Variants in XXYLT1 observed in about 807,000 individuals in gnomAD.
XXYLT1 encodes the protein xyloside xylosyltransferase 1.
XXYLT1 carries 20 observed loss-of-function variants against 28.9 expected under a neutral mutation model. The observed-to-expected ratio is 0.69, with a 90% CI of 0.49 to 1.00. XXYLT1 has a LOEUF of 1.00. Among genes scored for constraint, XXYLT1 ranks in the 50% least tolerant of loss-of-function variants. XXYLT1 has a pLI of 0.00. For synonymous variants in XXYLT1, 257 were observed against 253.8 expected, an observed-to-expected ratio of 1.01 and a Z score of -0.12; for missense variants, 542 against 560.1, an observed-to-expected ratio of 0.97 and a Z score of 0.33.
intron 2 of XXYLT1, among the ~76,000 whole-genome samples, chr3:195,199,152 T>C (rs1281646695): frequency 6.6e-6 from 1 of 151,892 alleles, no homozygotes; most frequent in Non-Finnish European, 1.5e-5. Context: ...GGAATGAGCA[T>C]GGCCCGCAGG....
chr3:195,192,397 C>A (rs1170883988), intron 2 of XXYLT1, among the ~76,000 whole-genome samples: 1 of 147,544 alleles, frequency 6.8e-6, no homozygotes, highest in African/African-American at 2.7e-5. Context: ...TGCACTCCAG[C>A]CTGGGTAACC....
At chr3:195,127,664 C>T (rs1203769755) in intron 3 of XXYLT1, among the ~76,000 whole-genome samples, 1 of 152,024 alleles carries the variant, frequency 6.6e-6, no homozygotes, top group Non-Finnish European at 1.5e-5. Context: ...GTAGACCCAG[C>T]TACTTGGGAG....
intron 2 of XXYLT1, among the ~76,000 whole-genome samples, chr3:195,169,302 C>T (rs1052536554): frequency 6.6e-5 from 10 of 152,222 alleles, no homozygotes; most frequent in African/African-American, 2.4e-4. Flanking sequence ...GTGAGTGTTC[C>T]AGGAGACCCA....
intron 1 of XXYLT1, among the ~76,000 whole-genome samples, chr3:195,237,154 T>A (rs1233332827): frequency 6.6e-6 from 1 of 152,166 alleles, no homozygotes; most frequent in African/African-American, 2.4e-5. Context: ...AGCACAGCAC[T>A]AGGACTCACC....
In XXYLT1 at chr3:195,248,687, G is replaced by A. The variant is rs141316598; in HGVS notation, c.505-21831C>T. Among the ~76,000 whole-genome samples the A allele has an allele frequency of 5.6e-4, 86 of 152,292 alleles. No individual in the cohort carries two copies. The East Asian group carries it at 0.016, about 29-fold the overall frequency. On this transcript the variant is annotated intron_variant, in intron 1 of 3. Transcript: ENST00000310380. ...AATCCCAGCACTTTGGGAGGCCAAG[G>A]CGGGTGGATAACCTGCAGTCAGGAG...
At chr3:195,207,561 T>G (rs1267974529) in intron 2 of XXYLT1, 1 of 443,078 alleles carries the variant, frequency 2.3e-6, no homozygotes, top group African/African-American at 2.0e-5. Flanking sequence ...CCCAAATTCC[T>G]TAGCCAAAGG....
intron 3 of XXYLT1, among the ~76,000 whole-genome samples, chr3:195,140,441 A>T (rs1336828662): frequency 6.6e-6 from 1 of 152,158 alleles, no homozygotes; most frequent in Non-Finnish European, 1.5e-5. Context: ...TTACATGTTG[A>T]TGTCTACATT....
chr3:195,260,343 C>G (rs1445623872), intron 1 of XXYLT1, among the ~76,000 whole-genome samples: 3 of 152,090 alleles, frequency 2.0e-5, no homozygotes, highest in African/African-American at 7.2e-5. Flanking sequence ...GACGGGGGGC[C>G]CCGTGCTGAC....
intron 1 of XXYLT1, among the ~76,000 whole-genome samples, chr3:195,258,811 G>A (rs1725573530): frequency 6.6e-6 from 1 of 152,232 alleles, no homozygotes; most frequent in Non-Finnish European, 1.5e-5. Context: ...AGGGGAGGGA[G>A]GAGTGTCAGA....
chr3:195,104,359 A>T (rs1285498831), intron 3 of XXYLT1, among the ~76,000 whole-genome samples: 2 of 151,972 alleles, frequency 1.3e-5, no homozygotes, highest in African/African-American at 4.8e-5. Flanking sequence ...GATGGTTCTG[A>T]GTCCCAATCA....
At chr3:195,217,374 T>C (rs1723623380) in intron 2 of XXYLT1, among the ~76,000 whole-genome samples, 1 of 28,718 alleles carries the variant, frequency 3.5e-5, no homozygotes, top group South Asian at 1.0e-3. Flanking sequence ...AGTCAAATTG[T>C]CCCTGTTTGC....
chr3:195,135,390 C>T (rs1250083615), intron 3 of XXYLT1, among the ~76,000 whole-genome samples: 1 of 152,130 alleles, frequency 6.6e-6, no homozygotes, highest in Non-Finnish European at 1.5e-5. Flanking sequence ...TCTTTCCATC[C>T]CCTTATCAAA....
At chr3:195,087,585 C>T (rs1560087125) in intron 3 of XXYLT1, among the ~76,000 whole-genome samples, 1 of 152,202 alleles carries the variant, frequency 6.6e-6, no homozygotes, top group Non-Finnish European at 1.5e-5. Context: ...CTGGGCTTAC[C>T]CAGAACAGCC....
chr3:195,152,282 A>C (rs1720313961), intron 3 of XXYLT1: 1 of 152,652 alleles, frequency 6.6e-6, no homozygotes, highest in African/African-American at 2.4e-5. Flanking sequence ...CCTTATCCCA[A>C]CTAAACACAT....
intron 3 of XXYLT1, 71 bp downstream of exon 3, chr3:195,156,378 G>A (rs1322815591): frequency 1.1e-5 from 18 of 1,574,192 alleles, no homozygotes; most frequent in South Asian, 3.5e-5. Flanking sequence ...AATCTGTCAC[G>A]GCTGGCAGAA....
chr3:195,102,557 G>C (rs1716850386), intron 3 of XXYLT1, among the ~76,000 whole-genome samples: 2 of 152,016 alleles, frequency 1.3e-5, no homozygotes, highest in Middle Eastern at 3.2e-3. Context: ...TTTTTTCTCT[G>C]TGTCTGGCTT....
intron 2 of XXYLT1, among the ~76,000 whole-genome samples, chr3:195,211,523 G>A (rs1373274181): frequency 6.6e-6 from 1 of 152,206 alleles, no homozygotes; most frequent in African/African-American, 2.4e-5. Context: ...TTTATTGACT[G>A]CCTACTATGT....
chr3:195,210,090 C>T lies in XXYLT1; in HGVS notation c.652+16619G>A, dbSNP rs1723246688. Among the ~76,000 whole-genome samples the T allele has an allele frequency of 6.7e-6, 1 of 148,642 alleles. No individual in the cohort carries two copies. Among genetic ancestry groups the T allele is most frequent in the South Asian group, 2.1e-4 (1 of 4,834 alleles). On this transcript the variant is annotated intron_variant, in intron 2 of 3. Transcript: ENST00000310380. This position sits in a 1 kb window ranked among gnomAD's most constrained non-coding sequence, Gnocchi z 4.8. ...CAGGCTGAGGCCCCGGCCGCCCGCA[C>T]ACCCTGGCCCAGAATGCCTGCTCGG...
intron 3 of XXYLT1, among the ~76,000 whole-genome samples, chr3:195,114,353 G>A (rs1717934368): frequency 6.6e-6 from 1 of 152,174 alleles, no homozygotes; most frequent in Admixed American, 6.5e-5. Flanking sequence ...AATGACTACT[G>A]CCTGGAGAGC....
Sources: allele counts gnomAD v4.1 joint callset (sites outside exome capture counted in the v4.1 genomes callset), GRCh38; gene constraint gnomAD v4.1.1; non-coding constraint Gnocchi (gnomAD v3.1); transcripts MANE v1.5; gene names NCBI Gene and HGNC (gene_info 2026-07-23, HGNC 2026-07-21).